The following PAK5 variants were observed in gnomAD, a reference collection of about 807,000 sequenced individuals.
PAK5 encodes p21 (RAC1) activated kinase 5, also known as serine/threonine-protein kinase PAK 5.
In PAK5, 16 loss-of-function variants were observed where a neutral mutation model predicts 65.9. The ratio of observed to expected loss-of-function variants is 0.24; its 90% CI spans 0.16 to 0.37. The LOEUF is 0.37. PAK5 is among the 10% of genes least tolerant of loss of function. The pLI is 1.00. For synonymous variants in PAK5, 371 were observed against 354.9 expected, an observed-to-expected ratio of 1.05 and a Z score of -0.51; for missense variants, 785 against 903.9, an observed-to-expected ratio of 0.87 and a Z score of 1.69.
intron 3 of PAK5, among the ~76,000 whole-genome samples, chr20:9,599,322 A>C (rs1201782842): frequency 6.6e-6 from 1 of 152,210 alleles, no homozygotes; most frequent in Non-Finnish European, 1.5e-5. Context: ...GTGAACATTG[A>C]TATACAATAA....
intron 1 of PAK5, among the ~76,000 whole-genome samples, chr20:9,810,729 G>A (rs926323338): frequency 6.6e-6 from 1 of 152,086 alleles, no homozygotes; most frequent in Non-Finnish European, 1.5e-5. Flanking sequence ...TACCCTAATG[G>A]AGAATCTGTT....
chr20:9,831,147 G>A (rs988844861), intron 1 of PAK5, among the ~76,000 whole-genome samples: 1 of 152,242 alleles, frequency 6.6e-6, no homozygotes, highest in Admixed American at 6.5e-5. Flanking sequence ...TGTTTCCAAA[G>A]TGCCTGATAT....
intron 1 of PAK5, among the ~76,000 whole-genome samples, chr20:9,796,647 A>G (rs2049108047): frequency 6.6e-6 from 1 of 152,128 alleles, no homozygotes; most frequent in Non-Finnish European, 1.5e-5. Context: ...GATTGAAGAA[A>G]GGCCAGCAAG....
At chr20:9,694,834 T>A (rs571249515) in intron 2 of PAK5, among the ~76,000 whole-genome samples, 20 of 152,196 alleles carry the variant, frequency 1.3e-4, no homozygotes, top group Admixed American at 1.2e-3. Flanking sequence ...TCAGGACTTT[T>A]AAAAATAATG....
chr20:9,806,123 C>T (rs2049229403), intron 1 of PAK5, among the ~76,000 whole-genome samples: 2 of 149,008 alleles, frequency 1.3e-5, no homozygotes, highest in African/African-American at 5.0e-5. Flanking sequence ...CAACAACATG[C>T]CCAGCTAATT....
intron 3 of PAK5, among the ~76,000 whole-genome samples, chr20:9,592,262 T>C (rs1448297382): frequency 5.9e-5 from 9 of 152,182 alleles, no homozygotes; most frequent in African/African-American, 1.4e-4. Flanking sequence ...ATTTCAGTGA[T>C]AGGTACACTA....
At chr20:9,800,218 G>T (rs2049154057) in intron 1 of PAK5, among the ~76,000 whole-genome samples, 1 of 152,090 alleles carries the variant, frequency 6.6e-6, no homozygotes, top group Non-Finnish European at 1.5e-5. Context: ...TGAGATTCAT[G>T]ACGCTTTGAG....
intron 1 of PAK5, among the ~76,000 whole-genome samples, chr20:9,802,347 G>A (rs1433763541): frequency 2.6e-5 from 4 of 152,110 alleles, no homozygotes. Context: ...ATTGGAAGAA[G>A]AGACAGTGAC....
chr20:9,765,385 T>C (rs2048745296), intron 1 of PAK5, among the ~76,000 whole-genome samples: 1 of 152,172 alleles, frequency 6.6e-6, no homozygotes, highest in Non-Finnish European at 1.5e-5. Context: ...AACTCAATAA[T>C]TGGTGCAAAA....
chr20:9,665,662 C>CTT lies in PAK5; in HGVS notation c.-11-21325_-11-21324dup, dbSNP rs113553567. Among the ~76,000 whole-genome samples the CTT allele has an allele frequency of 1.1e-4, 16 of 144,150 alleles. No individual in the cohort carries two copies. The South Asian group carries it at 2.4e-3, about 21-fold the overall frequency. The allele number at this position is 144,150 out of a possible 152,430, so 94.6% of individuals were successfully genotyped here. On this transcript the variant is annotated intron_variant, in intron 2 of 9. Coordinates refer to ENST00000353224, the MANE Select transcript of PAK5 (RefSeq NM_177990.4). ...CAGGTCTCAATATTTCTTTTCTTTT[C>CTT]TTTTTTTTTTTTTGAGATGGGGTCT...
intron 1 of PAK5, among the ~76,000 whole-genome samples, chr20:9,720,371 G>GC (rs2048200058): frequency 6.6e-6 from 1 of 152,160 alleles, no homozygotes; most frequent in South Asian, 2.1e-4. Flanking sequence ...TGTTGCAGAT[G>GC]CCTGGAAATA....
intron 3 of PAK5, among the ~76,000 whole-genome samples, chr20:9,631,461 T>C (rs1012731725): frequency 3.3e-5 from 5 of 152,220 alleles, no homozygotes; most frequent in African/African-American, 9.6e-5. Context: ...AAGCAAGCTG[T>C]CACGCATTCT....
chr20:9,766,283 ATTGAATATATATATATTCTAC>A lies in PAK5; in HGVS notation c.-161-54869_-161-54849del, dbSNP rs71184156. Among the ~76,000 whole-genome samples the A allele has an allele frequency of 4.3e-4, 29 of 66,772 alleles. 2 individuals carry two copies. The South Asian group carries it at 0.011, about 25-fold the overall frequency. The allele number at this position is 66,772 out of a possible 152,430, so 43.8% of individuals were successfully genotyped here. A position where few individuals can be genotyped will look rare whatever the true frequency, so the allele number is the denominator to read the frequency against. The stretch of plus-strand genomic sequence containing the variant: ...TCTAATTGAATATATATATATTCTA[ATTGAATATATATATATTCTAC>A]TTGAATATATATATATTCTACTTAC... On this transcript the variant is annotated intron_variant, in intron 1 of 9. Coordinates refer to ENST00000353224, the MANE Select transcript of PAK5 (RefSeq NM_177990.4).
At chr20:9,742,089 T>G in intron 1 of PAK5, among the ~76,000 whole-genome samples, 1 of 152,088 alleles carries the variant, frequency 6.6e-6, no homozygotes. Context: ...TCATGTGCTA[T>G]CCAACCCTCA....
chr20:9,606,455 G>A (rs2046456498), intron 3 of PAK5, among the ~76,000 whole-genome samples: 1 of 152,274 alleles, frequency 6.6e-6, no homozygotes, highest in East Asian at 1.9e-4. Flanking sequence ...ATACACAGGT[G>A]CTTGTCAAGT....
At chr20:9,599,799 T>C (rs1042729061) in intron 3 of PAK5, among the ~76,000 whole-genome samples, 14 of 152,222 alleles carry the variant, frequency 9.2e-5, no homozygotes, top group African/African-American at 3.1e-4. Context: ...TCTCATATTC[T>C]ACGGATTTTC....
Position 9,680,215 on chromosome 20 carries a change from C to T in PAK5, c.-12+31071G>A, listed in dbSNP as rs186949975. ...ACAGAGATAAAAGCATAGTCTCTAC[C>T]ATCAAAATGCTCACAAAAGGAGATG... On this transcript the variant is annotated intron_variant, in intron 2 of 9. Coordinates refer to ENST00000353224, the MANE Select transcript of PAK5 (RefSeq NM_177990.4). Among the ~76,000 whole-genome samples, 6 of 152,248 alleles carry T rather than the reference C, an allele frequency of 3.9e-5. No individual in the cohort carries two copies. In the East Asian group the frequency reaches 1.2e-3, roughly 29 times the overall value.
At chr20:9,694,451 C>T (rs546594252) in intron 2 of PAK5, among the ~76,000 whole-genome samples, 1 of 151,712 alleles carries the variant, frequency 6.6e-6, no homozygotes, top group African/African-American at 2.4e-5. Flanking sequence ...AACATGTATA[C>T]AGAAAAGGGT....
At chr20:9,560,436 T>C (rs2045574458) in intron 6 of PAK5, among the ~76,000 whole-genome samples, 1 of 152,202 alleles carries the variant, frequency 6.6e-6, no homozygotes. Flanking sequence ...CAGAGCTCAC[T>C]GCAGCCTTGA....
Sources: allele counts gnomAD v4.1 joint callset (sites outside exome capture counted in the v4.1 genomes callset), GRCh38; gene constraint gnomAD v4.1.1; transcripts MANE v1.5; gene names NCBI Gene and HGNC (gene_info 2026-07-23, HGNC 2026-07-21).